The following RSRP1 variants were observed in gnomAD, a reference collection of about 807,000 sequenced individuals.
RSRP1 encodes arginine/serine-rich protein 1.
In RSRP1, 37 loss-of-function variants were observed where a neutral mutation model predicts 33.0. That is an observed-to-expected ratio of 1.12 (90% CI 0.86 to 1.48). The LOEUF (loss-of-function observed/expected upper bound fraction) is 1.48, where lower values mean the gene tolerates loss of function less well. Among genes scored for constraint, RSRP1 ranks in the 40% most tolerant of loss-of-function variants. The probability of loss-of-function intolerance (pLI) is 0.00; values close to 1 mark genes in which losing one functional copy is unlikely to be tolerated. For missense variants in RSRP1, 402 were observed against 385.3 expected, an observed-to-expected ratio of 1.04 and a Z score of -0.36; for synonymous variants, 167 against 158.7, an observed-to-expected ratio of 1.05 and a Z score of -0.40.
chr1:25,286,397 G>A (rs1641994190), intron 1 of RSRP1, among the ~76,000 whole-genome samples: 1 of 134,966 alleles, frequency 7.4e-6, no homozygotes, highest in African/African-American at 2.6e-5. Flanking sequence ...GCTGAGGCAG[G>A]AGGATCACCT....
rs557612825 is a variant in RSRP1, at chr1:25,311,239, T to G, written c.-67+26739A>C. On this transcript the variant is annotated intron_variant, in intron 1 of 1. Transcript: ENST00000561867. ...GAAGCAAAGATCTTAGCTGAACTTT[T>G]TCTGTGCCAGAGTCATTTATGGAAG... Among the ~76,000 whole-genome samples, 80 of 132,692 alleles carry G rather than the reference T, an allele frequency of 6.0e-4. 22 individuals are homozygous for G. Among genetic ancestry groups the G allele is most frequent in the Non-Finnish European group, 1.1e-3 (62 of 55,966 alleles). 87.1% of individuals were successfully genotyped at this position (132,692 alleles called of 152,430 possible).
intron 1 of RSRP1, among the ~76,000 whole-genome samples, chr1:25,305,848 C>A (rs1264573696): frequency 7.6e-6 from 1 of 131,050 alleles, no homozygotes; most frequent in Admixed American, 7.4e-5. Flanking sequence ...GTGATCCACC[C>A]ATGTCGGCCT....
Position 25,242,505 on chromosome 1 carries a change from C to T in RSRP1, c.*84G>A, listed in dbSNP as rs1024562179. On this transcript the variant is annotated 3_prime_UTR_variant, in exon 5 of 5. Coordinates refer to ENST00000243189, the MANE Select transcript of RSRP1 (RefSeq NM_020317.5). ...TAAATGCACAAGTACCCCTGAATGG[C>T]TCAAAGGGATGGGATAATGCTAGAA... is the stretch of plus-strand genomic sequence containing the variant. The T allele has an allele frequency of 1.9e-5, 16 of 820,706 alleles. No homozygotes were observed. Among genetic ancestry groups the T allele is most frequent in the Non-Finnish European group, 3.2e-5 (16 of 500,412 alleles). The allele number at this position is 820,706 out of a possible 1,614,324, so 50.8% of individuals were successfully genotyped here.
At chr1:25,321,489 C>T (rs1181673002) in intron 1 of RSRP1, among the ~76,000 whole-genome samples, 2 of 110,702 alleles carry the variant, frequency 1.8e-5, no homozygotes, top group Admixed American at 1.8e-4. Flanking sequence ...GGTGAAACTC[C>T]ATCTCTACTA....
intron 1 of RSRP1, among the ~76,000 whole-genome samples, chr1:25,313,146 G>A (rs1644258989): frequency 7.9e-6 from 1 of 126,488 alleles, no homozygotes; most frequent in South Asian, 2.5e-4. Flanking sequence ...TCATCAGGGT[G>A]GGGCCCCTAT....
At chr1:25,301,866 A>G (rs1643417158) in intron 1 of RSRP1, among the ~76,000 whole-genome samples, 1 of 131,416 alleles carries the variant, frequency 7.6e-6, no homozygotes, top group Non-Finnish European at 1.8e-5. Flanking sequence ...TGGGCCTGGG[A>G]CTCAGGAGAC....
At position 25,286,868 on chromosome 1, in the gene RSRP1, G is replaced by A. The variant is rs1230407223; in HGVS notation, c.-66-39839C>T. 3.0e-5 allele frequency among the ~76,000 whole-genome samples: 4 copies of A among 134,346 alleles called. 1 individual carries two copies. The highest frequency in any genetic ancestry group is 7.0e-5 in the Non-Finnish European group (4 of 56,864). 88.1% of individuals were successfully genotyped at this position (134,346 alleles called of 152,430 possible). On this transcript the variant is annotated intron_variant, in intron 1 of 1. Coordinates refer to the RSRP1 transcript ENST00000561867. ...TAGTACTTTAGGAGGCCTAGCAGGT[G>A]GATTACCTGAGGTCAGGAGTCCGAG...
chr1:25,311,873 G>A lies in RSRP1; in HGVS notation c.-67+26105C>T, dbSNP rs1242235509. ...TGTGCAGAATGCAAAAGCTGAGGGG[G>A]CATGCCTTCTTCCACCTACATTTCA... On this transcript the variant is annotated intron_variant, in intron 1 of 1. Coordinates refer to the RSRP1 transcript ENST00000561867. Among the ~76,000 whole-genome samples, 3 of 131,364 alleles carry A rather than the reference G, an allele frequency of 2.3e-5. 1 individual carries two copies. The highest frequency in any genetic ancestry group is 5.4e-5 in the Non-Finnish European group (3 of 55,922). The allele number at this position is 131,364 out of a possible 152,430, so 86.2% of individuals were successfully genotyped here. A position where few individuals can be genotyped will look rare whatever the true frequency, so the allele number is the denominator to read the frequency against.
chr1:25,335,763 A>G (rs1440677162), intron 1 of RSRP1: 2 of 80,482 alleles, frequency 2.5e-5, no homozygotes, highest in African/African-American at 7.7e-5. Flanking sequence ...TATGTGTTTT[A>G]CGATAGTAGG....
At chr1:25,249,621 C>T (rs191861101), upstream of RSRP1, among the ~76,000 whole-genome samples, 4 of 152,270 alleles carry the variant, frequency 2.6e-5, no homozygotes, top group East Asian at 5.8e-4. Context: ...GGATTACAGG[C>T]GTGAGCCACT....
chr1:25,275,195 GA>G (rs1353852208), intron 1 of RSRP1, among the ~76,000 whole-genome samples: 1 of 131,732 alleles, frequency 7.6e-6, no homozygotes, highest in Non-Finnish European at 1.8e-5. Flanking sequence ...GAAGCTGAGG[GA>G]GGAGAATTGC....
chr1:25,277,854 A>T (rs1261185119), intron 1 of RSRP1, among the ~76,000 whole-genome samples: 1 of 130,080 alleles, frequency 7.7e-6, no homozygotes, highest in Non-Finnish European at 1.8e-5. Flanking sequence ...TTGTATTTTT[A>T]GTAGAGATGG....
chr1:25,286,236 C>T (rs1489272065), intron 1 of RSRP1, among the ~76,000 whole-genome samples: 5 of 135,374 alleles, frequency 3.7e-5, no homozygotes, highest in East Asian at 1.9e-4. Flanking sequence ...CACCTGTAAT[C>T]CCAGTACTTT....
At chr1:25,305,374 ATATT>A (rs34347122) in intron 1 of RSRP1, among the ~76,000 whole-genome samples, 58,532 of 106,604 alleles carry the variant, frequency 0.55, 22,434 homozygotes, top group South Asian at 0.82. Context: ...AGGAGTCTGG[ATATT>A]TATTTATTTA....
chr1:25,249,645 C>A (rs986462085), upstream of RSRP1, among the ~76,000 whole-genome samples: 7 of 152,250 alleles, frequency 4.6e-5, no homozygotes, highest in Non-Finnish European at 1.0e-4. Flanking sequence ...CCCAGCAAAT[C>A]CTGGATATTA....
At position 25,277,158 on chromosome 1, in the gene RSRP1, C is replaced by T. The variant is rs1232628903; in HGVS notation, c.-66-30129G>A. Among the ~76,000 whole-genome samples, 13 of 133,194 alleles carry T rather than the reference C, an allele frequency of 9.8e-5. 3 individuals carry two copies. Among genetic ancestry groups the T allele is most frequent in the Non-Finnish European group, 1.8e-4 (10 of 56,064 alleles). 87.4% of individuals were successfully genotyped at this position (133,194 alleles called of 152,430 possible). A position where few individuals can be genotyped will look rare whatever the true frequency, so the allele number is the denominator to read the frequency against. On this transcript the variant is annotated intron_variant, in intron 1 of 1. Transcript: ENST00000561867. ...AGAGAAATGCATATCAAATCCTTCT[C>T]ATTGGACCAATATTCCCTTAGGGCA... is the stretch of plus-strand genomic sequence containing the variant.
intron 1 of RSRP1, among the ~76,000 whole-genome samples, chr1:25,333,685 G>C (rs1645045013): frequency 7.6e-6 from 1 of 130,804 alleles, no homozygotes; most frequent in South Asian, 2.3e-4. Flanking sequence ...ATTTACAAAA[G>C]AAAGAGAGGT....
In RSRP1 at chr1:25,332,227, G is replaced by T. The variant is rs1428911331; in HGVS notation, c.-67+5751C>A. Among the ~76,000 whole-genome samples the T allele has an allele frequency of 3.9e-5, 5 of 127,620 alleles. 2 individuals are homozygous for T. The highest frequency in any genetic ancestry group is 3.8e-4 in the Admixed American group (5 of 13,020). The allele number at this position is 127,620 out of a possible 152,430, so 83.7% of individuals were successfully genotyped here. A position where few individuals can be genotyped will look rare whatever the true frequency, so the allele number is the denominator to read the frequency against. On this transcript the variant is annotated intron_variant, in intron 1 of 1. Coordinates refer to the RSRP1 transcript ENST00000561867. ...ACTTTTTGTATTTTTAGTAGAAATG[G>T]GGTTTCACCATGTTGGCCAGGATGG... is the stretch of plus-strand genomic sequence containing the variant.
chr1:25,278,170 G>A (rs569935811), intron 1 of RSRP1, among the ~76,000 whole-genome samples: 1 of 129,856 alleles, frequency 7.7e-6, no homozygotes, highest in South Asian at 2.4e-4. Flanking sequence ...ATATTTAGGA[G>A]ATAAGTCAGC....
Sources: gnomAD v4.1 joint callset for allele counts (sites outside exome capture counted in the v4.1 genomes callset) on GRCh38, gnomAD v4.1.1 for gene constraint, MANE v1.5 for transcripts, NCBI Gene and HGNC (gene_info 2026-07-23, HGNC 2026-07-21) for gene names.